The following PHACTR1 variants were observed in gnomAD, a reference collection of about 807,000 sequenced individuals.
PHACTR1 encodes phosphatase and actin regulator 1, also known as RPEL repeat containing 1.
A neutral mutation model predicts 69.2 loss-of-function variants in PHACTR1; 16 were observed. That is an observed-to-expected ratio of 0.23 (90% CI 0.16 to 0.35). PHACTR1 has a LOEUF of 0.35. Ranked by LOEUF, PHACTR1 falls within the 10% of genes least tolerant of loss-of-function variation. The probability of loss-of-function intolerance (pLI) is 1.00; values close to 1 mark genes in which losing one functional copy is unlikely to be tolerated. For synonymous variants in PHACTR1, 312 were observed against 284.5 expected (o/e 1.10, Z -0.97); for missense variants, 510 against 734.7 (o/e 0.69, Z 3.54).
chr6:13,031,310 T>C (rs1802420513), intron 4 of PHACTR1, among the ~76,000 whole-genome samples: 1 of 152,234 alleles, frequency 6.6e-6, no homozygotes, highest in Non-Finnish European at 1.5e-5. Flanking sequence ...TGTTTGTCTA[T>C]TTTAGGACTT....
rs1415269918 is a variant in PHACTR1 at position 13,179,307 on chromosome 6, C to CT, written c.497-3210dup. Among the ~76,000 whole-genome samples the CT allele has an allele frequency of 1.3e-5, 2 of 151,944 alleles. No homozygotes were observed. Among genetic ancestry groups the CT allele is most frequent in the African/African-American group, 4.8e-5 (2 of 41,320 alleles). Reference sequence around the variant, plus strand: ...AATAGCAGGACATGGAGAGACTAGTCTTCAAATTCATAACACTTGGAATTA... The same window carrying CT: ...AATAGCAGGACATGGAGAGACTAGTCTTTCAAATTCATAACACTTGGAATTA... On this transcript the variant is annotated intron_variant, in intron 6 of 14. Coordinates refer to ENST00000332995, the MANE Select transcript of PHACTR1 (RefSeq NM_030948.6). This position sits in a 1 kb window ranked among gnomAD's most constrained non-coding sequence, Gnocchi z 4.2.
At chr6:13,049,837 G>T (rs1805648701) in intron 4 of PHACTR1, among the ~76,000 whole-genome samples, 1 of 152,212 alleles carries the variant, frequency 6.6e-6, no homozygotes, top group Non-Finnish European at 1.5e-5. Context: ...CCTACTGTAT[G>T]CTGTGGGGAG....
intron 8 of PHACTR1, among the ~76,000 whole-genome samples, chr6:13,212,610 C>T (rs1022456365): frequency 2.0e-5 from 3 of 152,168 alleles, no homozygotes; most frequent in Admixed American, 6.5e-5. Context: ...AGGGTTGAAA[C>T]CTGAGTATTA....
chr6:13,162,385 C>A (rs960821285), intron 6 of PHACTR1, among the ~76,000 whole-genome samples: 1 of 152,026 alleles, frequency 6.6e-6, no homozygotes, highest in Non-Finnish European at 1.5e-5. Context: ...TCTCCGCCTC[C>A]CAAAGTGCTG....
At chr6:13,063,925 A>G (rs1019052749) in intron 5 of PHACTR1, among the ~76,000 whole-genome samples, 1 of 152,202 alleles carries the variant, frequency 6.6e-6, no homozygotes, top group Non-Finnish European at 1.5e-5. Context: ...ATCCTAATGC[A>G]ATAGGAAATT....
chr6:13,276,689 T>C (rs534701039), intron 11 of PHACTR1, among the ~76,000 whole-genome samples: 70 of 152,136 alleles, frequency 4.6e-4, no homozygotes, highest in African/African-American at 1.7e-3. Flanking sequence ...GGAGAATCGC[T>C]TGAACTTGGG....
chr6:13,021,573 A>G (rs1029904845), intron 4 of PHACTR1, among the ~76,000 whole-genome samples: 1 of 152,214 alleles, frequency 6.6e-6, no homozygotes, highest in Admixed American at 6.5e-5. Context: ...TTGTAACTCC[A>G]TGTTTAACCA....
At chr6:13,244,527 G>A (rs1005320795) in intron 10 of PHACTR1, among the ~76,000 whole-genome samples, 7 of 152,128 alleles carry the variant, frequency 4.6e-5, no homozygotes, top group South Asian at 2.1e-4. Flanking sequence ...GGTACGCCCC[G>A]GGGGGCCAGT....
intron 4 of PHACTR1, among the ~76,000 whole-genome samples, chr6:13,011,153 C>T (rs1264946582): frequency 6.6e-6 from 1 of 152,162 alleles, no homozygotes; most frequent in Admixed American, 6.5e-5. Context: ...CTGCTAAGAA[C>T]AGCATGGTTT....
Position 13,245,292 on chromosome 6 carries a change from A to AAG in PHACTR1, c.1391+15099_1391+15100insAG, listed in dbSNP as rs1584199853. ...CACAATGGCTGTTTACAATCCCACC[A>AAG]GTAGCATGTAAGCATTCTCTTTTCC... On this transcript the variant is annotated intron_variant, in intron 10 of 14. Coordinates refer to ENST00000332995, the MANE Select transcript of PHACTR1 (RefSeq NM_030948.6). The surrounding 1 kb of genome is among the most constrained non-coding windows in gnomAD (Gnocchi z 4.1). 6.6e-6 allele frequency among the ~76,000 whole-genome samples: 1 copy of AAG among 152,346 alleles called. No homozygotes were observed. Among genetic ancestry groups the AAG allele is most frequent in the East Asian group, 1.9e-4 (1 of 5,188 alleles).
chr6:12,848,084 T>A (rs1488865448), intron 4 of PHACTR1, among the ~76,000 whole-genome samples: 1 of 152,204 alleles, frequency 6.6e-6, no homozygotes, highest in African/African-American at 2.4e-5. Context: ...AAATAAATGA[T>A]TCATGATAAC....
chr6:12,935,174 C>T (rs1789300821), intron 4 of PHACTR1, among the ~76,000 whole-genome samples: 1 of 152,202 alleles, frequency 6.6e-6, no homozygotes, highest in African/African-American at 2.4e-5. Flanking sequence ...GTGAACCAAA[C>T]ACCTCCACGG....
intron 7 of PHACTR1, among the ~76,000 whole-genome samples, chr6:13,191,856 AC>A (rs757379759): frequency 3.3e-5 from 5 of 152,330 alleles, no homozygotes; most frequent in Non-Finnish European, 4.4e-5. Context: ...TCACTTTTCT[AC>A]CCATTTCTCC....
intron 6 of PHACTR1, among the ~76,000 whole-genome samples, chr6:13,178,539 G>T (rs1761726191): frequency 6.6e-6 from 1 of 152,232 alleles, no homozygotes; most frequent in South Asian, 2.1e-4. Context: ...CAGAAGCTCT[G>T]GGGGTGAAGC....
At position 12,828,324 on chromosome 6, in the gene PHACTR1, G is replaced by A. The variant is rs148111826; in HGVS notation, c.250+78534G>A. On this transcript the variant is annotated intron_variant, in intron 4 of 14. Transcript: ENST00000332995. ...TCTTATACAGTACATTTCCTATAGC[G>A]TGTTTATATGTATTCAGTATAAAAA... Among the ~76,000 whole-genome samples the A allele has an allele frequency of 7.2e-3, 1,099 of 152,144 alleles. 18 individuals carry two copies. The highest frequency in any genetic ancestry group is 0.025 in the African/African-American group (1,046 of 41,480).
intron 4 of PHACTR1, among the ~76,000 whole-genome samples, chr6:13,010,330 G>T (rs1319089478): frequency 6.6e-6 from 1 of 152,102 alleles, no homozygotes; most frequent in African/African-American, 2.4e-5. Flanking sequence ...GTTTCACCAT[G>T]TTGGCCAGGC....
intron 4 of PHACTR1, among the ~76,000 whole-genome samples, chr6:13,039,174 A>T (rs1803798452): frequency 6.6e-6 from 1 of 152,206 alleles, no homozygotes; most frequent in African/African-American, 2.4e-5. Context: ...GTAAAATAAG[A>T]TTTAAAATAT....
At chr6:12,720,848 G>A (rs373698986) in intron 3 of PHACTR1, among the ~76,000 whole-genome samples, 15 of 152,254 alleles carry the variant, frequency 9.9e-5, no homozygotes, top group East Asian at 7.7e-4. Context: ...ACCTAATCCC[G>A]TTTTCTCCTC....
chr6:12,807,818 A>T (rs528805361), intron 4 of PHACTR1, among the ~76,000 whole-genome samples: 5 of 152,310 alleles, frequency 3.3e-5, no homozygotes, highest in African/African-American at 1.2e-4. Flanking sequence ...GTTACCCTGA[A>T]CACCCAATAG....
Sources: gnomAD v4.1 joint callset for allele counts (sites outside exome capture counted in the v4.1 genomes callset) on GRCh38, gnomAD v4.1.1 for gene constraint, Gnocchi (gnomAD v3.1) non-coding constraint, MANE v1.5 for transcripts, NCBI Gene and HGNC (gene_info 2026-07-23, HGNC 2026-07-21) for gene names.